The following VPS13B variants were observed in gnomAD, a reference collection of about 807,000 sequenced individuals.
VPS13B encodes intermembrane lipid transfer protein VPS13B.
A neutral mutation model predicts 426.4 loss-of-function variants in VPS13B; 285 were observed. The ratio of observed to expected loss-of-function variants is 0.67; its 90% CI spans 0.61 to 0.74. VPS13B has a LOEUF of 0.74. VPS13B is among the 30% of genes least tolerant of loss of function. The pLI, the probability that VPS13B is intolerant of heterozygous loss-of-function variation, is 0.00. For synonymous variants in VPS13B, 1,676 were observed against 1,676.4 expected (o/e 1.00, Z 0.01); for missense variants, 4,537 against 4,782.6 (o/e 0.95, Z 1.51).
intron 59 of VPS13B, 31 bp downstream of exon 59, chr8:99,868,496 C>T: frequency 1.9e-6 from 3 of 1,583,308 alleles, no homozygotes; most frequent in Non-Finnish European, 1.7e-6. Context: ...TCAGGCCAAC[C>T]CAGACGTTAC....
chr8:99,448,650 A>T lies in VPS13B; in HGVS notation c.3445+6015A>T, dbSNP rs980437580. Among the ~76,000 whole-genome samples, 5 of 152,090 alleles carry T rather than the reference A, an allele frequency of 3.3e-5. No homozygotes were observed. The South Asian group carries it at 1.0e-3, about 32-fold the overall frequency. On this transcript the variant is annotated intron_variant, in intron 23 of 61. Coordinates refer to ENST00000357162, the MANE Select transcript of VPS13B (RefSeq NM_152564.5). ...GTGTCATGCCTGTATTCTCTTTTTCAATCTTTCTTGAGTATTGGGACTGAT... is the reference window on the plus strand; with the variant it reads ...GTGTCATGCCTGTATTCTCTTTTTCTATCTTTCTTGAGTATTGGGACTGAT...
chr8:99,424,695 G>C (rs1464525568), intron 21 of VPS13B, among the ~76,000 whole-genome samples: 1 of 152,102 alleles, frequency 6.6e-6, no homozygotes, highest in Non-Finnish European at 1.5e-5. Flanking sequence ...TAGAAGGCAA[G>C]AAATAACTAA....
chr8:99,735,904 A>G (rs1833806892), intron 39 of VPS13B, among the ~76,000 whole-genome samples: 1 of 152,172 alleles, frequency 6.6e-6, no homozygotes, highest in East Asian at 1.9e-4. Context: ...TGAAGAGATC[A>G]ATTTTAGTTG....
intron 19 of VPS13B, among the ~76,000 whole-genome samples, chr8:99,320,357 TCTTTG>T (rs1809910949): frequency 6.6e-6 from 1 of 152,172 alleles, no homozygotes; most frequent in African/African-American, 2.4e-5. Context: ...GGAATCCTAA[TCTTTG>T]TTACACTAAT....
At chr8:99,604,594 G>T (rs1827485173) in intron 33 of VPS13B, among the ~76,000 whole-genome samples, 1 of 148,420 alleles carries the variant, frequency 6.7e-6, no homozygotes, top group South Asian at 2.1e-4. Context: ...CCGCCTCCCG[G>T]GTTCACGCCA....
intron 39 of VPS13B, among the ~76,000 whole-genome samples, chr8:99,728,538 A>C (rs1456907387): frequency 6.6e-6 from 1 of 152,188 alleles, no homozygotes; most frequent in Non-Finnish European, 1.5e-5. Context: ...CTAATGTGTT[A>C]GACCACATTA....
At chr8:99,821,199 C>A (rs1167780932) in intron 49 of VPS13B, 95 bp from the exon 50 acceptor site, 16 of 1,087,158 alleles carry the variant, frequency 1.5e-5, no homozygotes, top group African/African-American at 1.5e-4. Flanking sequence ...CTTAGTAGAC[C>A]TATTATATAA....
intron 35 of VPS13B, among the ~76,000 whole-genome samples, chr8:99,682,920 G>A (rs1006450922): frequency 1.3e-5 from 2 of 152,154 alleles, no homozygotes; most frequent in Admixed American, 6.5e-5. Flanking sequence ...CCATTCTACT[G>A]AGAATGAGCT....
chr8:99,691,471 G>C lies in VPS13B; in HGVS notation c.6047-8054G>C, dbSNP rs143833522. Among the ~76,000 whole-genome samples the C allele has an allele frequency of 5.7e-3, 870 of 152,056 alleles. 8 individuals carry two copies. Among genetic ancestry groups the C allele is most frequent in the African/African-American group, 0.02 (834 of 41,464 alleles). ...AACATGGGGAGAAAGGAACATTTTA[G>C]TATTGTGCACGGGTGACTCAAGTTT... On this transcript the variant is annotated intron_variant, in intron 35 of 61. Coordinates refer to ENST00000357162, the MANE Select transcript of VPS13B (RefSeq NM_152564.5).
At chr8:99,621,936 C>T (rs752055549) in intron 33 of VPS13B, among the ~76,000 whole-genome samples, 3 of 149,784 alleles carry the variant, frequency 2.0e-5, no homozygotes, top group Non-Finnish European at 4.4e-5. Flanking sequence ...CAGGTTCAAG[C>T]GATTCTCCTG....
chr8:99,158,939 A>G (rs1045328647), intron 15 of VPS13B, among the ~76,000 whole-genome samples: 3 of 152,236 alleles, frequency 2.0e-5, no homozygotes, highest in Admixed American at 6.5e-5. Flanking sequence ...TATAGCTACC[A>G]TAGATAGCCA....
intron 52 of VPS13B, among the ~76,000 whole-genome samples, chr8:99,833,430 G>A (rs978818234): frequency 2.0e-4 from 31 of 152,116 alleles, no homozygotes; most frequent in Non-Finnish European, 4.4e-4. Flanking sequence ...TTGAGATTTA[G>A]CAATGCTAAC....
At chr8:99,537,458 A>G (rs532020534) in intron 30 of VPS13B, among the ~76,000 whole-genome samples, 1 of 152,318 alleles carries the variant, frequency 6.6e-6, no homozygotes, top group Admixed American at 6.5e-5. Context: ...ATGCGAAAAC[A>G]TCTTTCAGGT....
intron 9 of VPS13B, 96 bp downstream of exon 9, chr8:99,134,823 C>T (rs1002249607): frequency 1.2e-5 from 15 of 1,215,536 alleles, no homozygotes; most frequent in Admixed American, 2.2e-5. Context: ...TTTAAAAATA[C>T]AAGTAAGATG....
Position 99,625,375 on chromosome 8 carries a change from C to T in VPS13B, c.5221-16436C>T, listed in dbSNP as rs1332208402. ...CTTAACCTCAAACTCTTCACTTTCC[C>T]AAAGGCCTTTGTAAAATATCAAAGG... On this transcript the variant is annotated intron_variant, in intron 33 of 61. Transcript: ENST00000357162. 1.3e-5 allele frequency among the ~76,000 whole-genome samples: 2 copies of T among 152,062 alleles called. 1 individual carries two copies. The highest frequency in any genetic ancestry group is 2.9e-5 in the Non-Finnish European group (2 of 68,028).
chr8:99,853,458 G>T lies in VPS13B; in HGVS notation c.10069G>T (p.Glu3357Ter). ...TGTCCCTTTCTCCTCTAGAGCGCCA[G>T]AGAAGATTGTTACATTTAAAATGTT... Reference protein sequence around the residue: ...PILTNTNRAPEKIVTFKMFIT... With the variant: ...PILTNTNRAP Residue 3357 changes from glutamate to a stop codon, truncating the protein, a stop_gained, in exon 56 of 62, where the codon GAG (glutamate) becomes TAG (stop). Coordinates refer to ENST00000357162, the MANE Select transcript of VPS13B (RefSeq NM_152564.5). LOFTEE classifies it high-confidence loss of function. The T allele has an allele frequency of 6.2e-7, 1 of 1,614,184 alleles. No individual in the cohort carries two copies.
intron 8 of VPS13B, among the ~76,000 whole-genome samples, chr8:99,133,103 A>G (rs548675365): frequency 1.4e-4 from 22 of 152,294 alleles, no homozygotes; most frequent in African/African-American, 5.3e-4. Context: ...TTCTTCCAGG[A>G]GAAGGCTGTT....
chr8:99,705,899 C>A (rs1272469350), intron 36 of VPS13B, among the ~76,000 whole-genome samples: 2 of 152,010 alleles, frequency 1.3e-5, no homozygotes, highest in Non-Finnish European at 2.9e-5. Flanking sequence ...TAATAAGCAA[C>A]AAACTTAGGA....
intron 8 of VPS13B, among the ~76,000 whole-genome samples, chr8:99,129,457 A>G (rs1809631478): frequency 1.3e-5 from 2 of 151,340 alleles, no homozygotes; most frequent in African/African-American, 4.9e-5. Context: ...AATCCTAGCA[A>G]TTTAGGAGGC....
Sources: allele counts gnomAD v4.1 joint callset (sites outside exome capture counted in the v4.1 genomes callset), GRCh38; gene constraint gnomAD v4.1.1; transcripts MANE v1.5; gene names NCBI Gene and HGNC (gene_info 2026-07-23, HGNC 2026-07-21).